The following ZNF568 variants were observed in gnomAD, a reference collection of about 807,000 sequenced individuals.
ZNF568 encodes the protein zinc finger protein 568.
In ZNF568, 11 loss-of-function variants were observed where a neutral mutation model predicts 18.1. That is an observed-to-expected ratio of 0.61 (90% confidence interval 0.38 to 1.00). The LOEUF (loss-of-function observed/expected upper bound fraction) is 1.00, where lower values mean the gene tolerates loss of function less well. ZNF568 is among the 50% of genes least tolerant of loss of function. The pLI is 0.01. For missense variants in ZNF568, 639 were observed against 768.2 expected (o/e 0.83, Z 1.99); for synonymous variants, 213 against 246.6 (o/e 0.86, Z 1.28).
chr19:36,996,991 C>T (rs1408574719), exon 5 of ZNF568: 13 of 1,545,466 alleles, frequency 8.4e-6, no homozygotes, highest in African/African-American at 4.1e-5. Context: ...GGCCTTTACC[C>T]GTCCCTCACA....
chr19:36,949,650 C>G lies in ZNF568; in HGVS notation c.497C>G (p.Ser166Ter). 1 of 1,613,788 alleles carries G rather than the reference C, an allele frequency of 6.2e-7. No homozygotes were observed. Among genetic ancestry groups the G allele is most frequent in the Non-Finnish European group, 8.5e-7 (1 of 1,179,866 alleles). ...KKVAKIFPLSSDIVTSRQSFY... is the reference protein window; with the variant it reads ...KKVAKIFPLS Reference sequence around the variant, plus strand: ...GTTGCGAAAATATTTCCTCTGAGTTCAGACATTGTTACTTCAAGACAAAGC... The same window carrying G: ...GTTGCGAAAATATTTCCTCTGAGTTGAGACATTGTTACTTCAAGACAAAGC... Residue 166 changes from serine (S) to a stop codon, truncating the protein, a stop_gained, in exon 7 of 7, where the codon TCA becomes TGA. Transcript: ENST00000333987. LOFTEE classifies it low-confidence loss of function (END_TRUNC).
chr19:36,995,575 A>G (rs2074463297), intron 4 of ZNF568, among the ~76,000 whole-genome samples: 1 of 151,910 alleles, frequency 6.6e-6, no homozygotes, highest in Non-Finnish European at 1.5e-5. Flanking sequence ...GTATTGTGGT[A>G]TTTGTTTTCT....
intron 4 of ZNF568, among the ~76,000 whole-genome samples, chr19:36,934,940 CTT>C (rs74663110): frequency 6.6e-5 from 9 of 136,412 alleles, no homozygotes; most frequent in South Asian, 2.3e-4. Context: ...TTTATTGAGG[CTT>C]TTTTTTTTTT....
At chr19:36,958,764 G>A (rs1420653827) in intron 6 of ZNF568, among the ~76,000 whole-genome samples, 4 of 151,284 alleles carry the variant, frequency 2.6e-5, no homozygotes, top group African/African-American at 7.3e-5. Flanking sequence ...GATTACAGGC[G>A]TGCACCACCA....
At chr19:36,987,941 A>G (rs1413003739) in intron 2 of ZNF568, among the ~76,000 whole-genome samples, 1 of 151,600 alleles carries the variant, frequency 6.6e-6, no homozygotes, top group African/African-American at 2.4e-5. Context: ...TGTCAACAAA[A>G]TTCTCTTATC....
In ZNF568 at chr19:36,950,825, T is replaced by A. The variant is rs746888662; in HGVS notation, c.1672T>A (p.Phe558Ile). The change falls in exon 7 of 7, where the codon TTC becomes ATC. Residue 558 changes from phenylalanine (F) to isoleucine (I), a missense_variant. Phe to Ile is a conservative substitution (Grantham distance 21). Coordinates refer to ENST00000333987, the MANE Select transcript of ZNF568 (RefSeq NM_198539.4). ...HEKIHTGEKP[F>I]KCNECGKAFS... ...AAAAATTCATACTGGAGAGAAACCA[T>A]TCAAATGTAATGAATGTGGTAAAGC... 58 of 1,613,694 alleles carry A rather than the reference T, an allele frequency of 3.6e-5. No individual in the cohort carries two copies. The highest frequency in any genetic ancestry group is 4.2e-5 in the Non-Finnish European group (49 of 1,179,960).
intron 3 of ZNF568, chr19:36,991,667 C>T (rs1684880143): frequency 9.2e-7 from 1 of 1,084,036 alleles, no homozygotes; most frequent in Admixed American, 2.4e-5. Flanking sequence ...CCTTAATCTA[C>T]CTGCTCCTCT....
At chr19:36,967,556 C>G (rs1020175531) in intron 6 of ZNF568, among the ~76,000 whole-genome samples, 1 of 152,078 alleles carries the variant, frequency 6.6e-6, no homozygotes, top group Non-Finnish European at 1.5e-5. Flanking sequence ...GAGCAATACT[C>G]CTTCTCAAAA....
intron 6 of ZNF568, among the ~76,000 whole-genome samples, chr19:36,960,517 C>T (rs903133314): frequency 7.9e-5 from 12 of 151,944 alleles, no homozygotes; most frequent in African/African-American, 2.4e-4. Flanking sequence ...TTTTCATTTT[C>T]GGTTGTTTCA....
chr19:36,945,040 T>C (rs1201610186), intron 6 of ZNF568, among the ~76,000 whole-genome samples: 3 of 152,178 alleles, frequency 2.0e-5, no homozygotes, highest in Non-Finnish European at 2.9e-5. Context: ...TTAATTTTTA[T>C]TTTTTCATAT....
chr19:36,954,494 TATC>T (rs2074092566), downstream of ZNF568, among the ~76,000 whole-genome samples: 1 of 152,044 alleles, frequency 6.6e-6, no homozygotes, highest in African/African-American at 2.4e-5. Flanking sequence ...AAATGAGTAT[TATC>T]ATTTCGTAGT....
At chr19:36,963,150 G>A (rs1244436559) in intron 6 of ZNF568, among the ~76,000 whole-genome samples, 1 of 152,140 alleles carries the variant, frequency 6.6e-6, no homozygotes, top group Non-Finnish European at 1.5e-5. Flanking sequence ...TCAAGAATAA[G>A]GCTACCATGA....
chr19:36,962,294 T>A (rs915375928), intron 6 of ZNF568, among the ~76,000 whole-genome samples: 2 of 143,650 alleles, frequency 1.4e-5, no homozygotes, highest in African/African-American at 5.1e-5. Context: ...TTTTTTTTTT[T>A]TTTTTTGCTT....
chr19:36,935,793 T>G (rs2146289337), intron 4 of ZNF568, among the ~76,000 whole-genome samples: 1 of 152,338 alleles, frequency 6.6e-6, no homozygotes, highest in East Asian at 1.9e-4. Flanking sequence ...TCTAGCTTTC[T>G]ATGGTTGTTC....
chr19:36,995,703 TG>T (rs1300755677), intron 4 of ZNF568, among the ~76,000 whole-genome samples: 1 of 152,182 alleles, frequency 6.6e-6, no homozygotes, highest in Non-Finnish European at 1.5e-5. Context: ...CAGTAGTCTT[TG>T]AAATTATTTT....
At chr19:36,973,460 G>C (rs1015703252) in intron 6 of ZNF568, 1 of 154,394 alleles carries the variant, frequency 6.5e-6, no homozygotes, top group Non-Finnish European at 1.4e-5. Flanking sequence ...CGGTGCAGTC[G>C]GGATGGGAGA....
exon 5 of ZNF568, chr19:36,997,111 A>G (rs1412159157): frequency 1.3e-6 from 2 of 1,567,722 alleles, no homozygotes; most frequent in East Asian, 4.7e-5. Flanking sequence ...GATAATCCAT[A>G]CTGGTGAAAG....
At chr19:36,946,965 G>A (rs1212572970) in intron 6 of ZNF568, among the ~76,000 whole-genome samples, 2 of 150,298 alleles carry the variant, frequency 1.3e-5, no homozygotes, top group Non-Finnish European at 3.0e-5. Flanking sequence ...TTTAACTAGT[G>A]GACTATACTG....
intron 6 of ZNF568, among the ~76,000 whole-genome samples, chr19:36,963,906 G>T (rs1484459774): frequency 1.3e-5 from 2 of 149,556 alleles, no homozygotes; most frequent in African/African-American, 2.5e-5. Context: ...GGTGGAGGTT[G>T]CAGTGAGCCG....
Sources: gnomAD v4.1 joint callset for allele counts (sites outside exome capture counted in the v4.1 genomes callset) on GRCh38, gnomAD v4.1.1 for gene constraint, MANE v1.5 for transcripts, NCBI Gene and HGNC (gene_info 2026-07-23, HGNC 2026-07-21) for gene names.